SOX5: variants seen among roughly 807,000 people sequenced by gnomAD.
SOX5 encodes the protein SRY-box transcription factor 5, also known as transcription factor SOX-5.
A neutral mutation model predicts 92.0 loss-of-function variants in SOX5; 9 were observed. The ratio of observed to expected loss-of-function variants is 0.10; its 90% CI spans 0.06 to 0.17. SOX5 has a LOEUF of 0.17. SOX5 is among the 10% of genes least tolerant of loss of function. The pLI is 1.00. For missense variants in SOX5, 642 were observed against 944.5 expected (o/e 0.68, Z 4.20); for synonymous variants, 344 against 336.3 (o/e 1.02, Z -0.25).
chr12:24,416,957 G>T (rs1400430007), intron 1 of SOX5, among the ~76,000 whole-genome samples: 4 of 152,140 alleles, frequency 2.6e-5, no homozygotes, highest in Admixed American at 1.3e-4. Flanking sequence ...AGGTGGAGTT[G>T]GCCTGTGTTT....
Position 23,865,656 on chromosome 12 carries a change from CAG to C in SOX5, c.271-19465_271-19464del, listed in dbSNP as rs1385672454. On this transcript the variant is annotated intron_variant, in intron 2 of 14. Transcript: ENST00000451604. The stretch of plus-strand genomic sequence containing the variant: ...CACCACTGCATTCCCGCCTGGGTGA[CAG>C]AGTGAGACTCCGTCTCAAAAAAAAC... Among the ~76,000 whole-genome samples, 4 of 151,878 alleles carry C rather than the reference CAG, an allele frequency of 2.6e-5. No individual in the cohort carries two copies. The East Asian group carries it at 7.7e-4, about 29-fold the overall frequency.
At chr12:23,834,425 C>A (rs996871028) in intron 3 of SOX5, among the ~76,000 whole-genome samples, 7 of 151,846 alleles carry the variant, frequency 4.6e-5, no homozygotes, top group Non-Finnish European at 8.8e-5. Flanking sequence ...TATAATAACA[C>A]GAGCAAATCA....
intron 2 of SOX5, among the ~76,000 whole-genome samples, chr12:23,851,476 G>A (rs767411805): frequency 9.2e-5 from 14 of 151,946 alleles, no homozygotes; most frequent in Middle Eastern, 3.2e-3. Flanking sequence ...ATTTTCTTTC[G>A]TTAAGATTAT....
intron 2 of SOX5, among the ~76,000 whole-genome samples, chr12:23,861,880 A>T (rs1015906561): frequency 2.0e-5 from 3 of 152,190 alleles, no homozygotes; most frequent in African/African-American, 7.2e-5. Context: ...AATAATTAAA[A>T]AGATCCTATT....
chr12:24,350,965 G>A (rs1036220688), intron 2 of SOX5, among the ~76,000 whole-genome samples: 1 of 152,152 alleles, frequency 6.6e-6, no homozygotes, highest in Non-Finnish European at 1.5e-5. Flanking sequence ...GCTGAGGCAT[G>A]AGAATTGCCT....
intron 4 of SOX5, among the ~76,000 whole-genome samples, chr12:24,188,372 AATGAT>A (rs1263803492): frequency 6.6e-6 from 1 of 152,186 alleles, no homozygotes; most frequent in East Asian, 1.9e-4. Context: ...TATAATAGCA[AATGAT>A]ATATCTATTA....
At chr12:24,245,194 G>C (rs1017806998) in intron 3 of SOX5, among the ~76,000 whole-genome samples, 1 of 151,510 alleles carries the variant, frequency 6.6e-6, no homozygotes, top group Non-Finnish European at 1.5e-5. Flanking sequence ...TAGACTATGA[G>C]CTGCATGATG....
At chr12:24,063,210 T>A (rs1293315360) in intron 4 of SOX5, among the ~76,000 whole-genome samples, 1 of 152,190 alleles carries the variant, frequency 6.6e-6, no homozygotes, top group African/African-American at 2.4e-5. Context: ...CTTATTCACA[T>A]CTCTGTGGTA....
At chr12:23,612,740 A>G (rs2076115782) in intron 8 of SOX5, among the ~76,000 whole-genome samples, 1 of 152,180 alleles carries the variant, frequency 6.6e-6, no homozygotes, top group African/African-American at 2.4e-5. Flanking sequence ...TGTACTATAT[A>G]TATTTGACGG....
intron 4 of SOX5, among the ~76,000 whole-genome samples, chr12:23,751,515 T>C (rs2094179655): frequency 6.6e-6 from 1 of 152,036 alleles, no homozygotes; most frequent in East Asian, 1.9e-4. Flanking sequence ...TCAAATCATC[T>C]AATGTTATTT....
intron 13 of SOX5, among the ~76,000 whole-genome samples, chr12:23,538,663 C>T (rs1339276692): frequency 6.6e-6 from 1 of 152,062 alleles, no homozygotes. Flanking sequence ...AACTTCAGAT[C>T]AGGGAGTGGA....
chr12:24,283,287 A>G (rs887042291), intron 2 of SOX5, among the ~76,000 whole-genome samples: 10 of 152,252 alleles, frequency 6.6e-5, no homozygotes, highest in Non-Finnish European at 1.2e-4. Flanking sequence ...TGTCTTGCTC[A>G]GAGCCAAGAG....
At chr12:24,198,384 C>G (rs934281516) in intron 4 of SOX5, among the ~76,000 whole-genome samples, 1 of 152,166 alleles carries the variant, frequency 6.6e-6, no homozygotes, top group Admixed American at 6.5e-5. Context: ...TTTCATACAA[C>G]TTAAACATTT....
chr12:24,117,220 A>T (rs1948109125), intron 4 of SOX5, among the ~76,000 whole-genome samples: 1 of 152,234 alleles, frequency 6.6e-6, no homozygotes, highest in Admixed American at 6.5e-5. Flanking sequence ...AATGCTCAAC[A>T]TTACTAATCA....
At chr12:24,029,978 C>T (rs1433293493) in intron 4 of SOX5, among the ~76,000 whole-genome samples, 2 of 151,968 alleles carry the variant, frequency 1.3e-5, no homozygotes, top group Admixed American at 1.3e-4. Flanking sequence ...GTATTAATAC[C>T]TTTCATTCTC....
At chr12:23,980,967 ATCT>A (rs1318649849) in intron 4 of SOX5, among the ~76,000 whole-genome samples, 1 of 152,130 alleles carries the variant, frequency 6.6e-6, no homozygotes, top group Non-Finnish European at 1.5e-5. Context: ...GGCTCCTCAC[ATCT>A]TCTTGTGTAG....
rs752102785 is a variant in SOX5, at chr12:23,895,888, G to C, written c.175C>G (p.Pro59Ala). The C allele has an allele frequency of 6.2e-7, 1 of 1,613,970 alleles. No homozygotes were observed. The highest frequency in any genetic ancestry group is 8.5e-7 in the Non-Finnish European group (1 of 1,179,976). The change falls in exon 2 of 15, where the codon CCC becomes GCC. Residue 59 changes from proline to alanine, a missense_variant. Pro to Ala is a conservative substitution (Grantham distance 27, BLOSUM62 -1). Around this residue, in one of 8 missense-constraint regions of SOX5, gnomAD observed 113 missense variants for 117.7 expected, o/e 0.96. Coordinates refer to ENST00000451604, the MANE Select transcript of SOX5 (RefSeq NM_006940.6). The part of the protein sequence containing the change: ...AFHLPLHVSF[P>A]NKPHSEEFQP... ...AATTCCTCAGAGTGAGGCTTGTTGGGAAAACTCACATGCAAGGGAAGGTGA... is the reference window on the plus strand; with the variant it reads ...AATTCCTCAGAGTGAGGCTTGTTGGCAAAACTCACATGCAAGGGAAGGTGA...
chr12:23,546,267 T>C (rs1317412114), intron 12 of SOX5, 49 bp downstream of exon 12: 2 of 1,074,412 alleles, frequency 1.9e-6, no homozygotes, highest in African/African-American at 3.1e-5. Context: ...TGGCACTACC[T>C]AGACACTTTC....
intron 6 of SOX5, among the ~76,000 whole-genome samples, chr12:23,688,986 T>C (rs1041355467): frequency 1.3e-5 from 2 of 152,140 alleles, no homozygotes; most frequent in Non-Finnish European, 1.5e-5. Context: ...TTCACAAGCA[T>C]CTCTTTCAGA....
Sources: gnomAD v4.1 joint callset for allele counts (sites outside exome capture counted in the v4.1 genomes callset) on GRCh38, gnomAD v4.1.1 for gene constraint, gnomAD v4.1.1 regional missense constraint, MANE v1.5 for transcripts, NCBI Gene and HGNC (gene_info 2026-07-23, HGNC 2026-07-21) for gene names.